The following MAP2K6 variants were observed in gnomAD, a reference collection of about 807,000 sequenced individuals.
MAP2K6 encodes the protein dual specificity mitogen-activated protein kinase kinase 6.
MAP2K6 carries 16 observed loss-of-function variants against 53.7 expected under a neutral mutation model. The observed-to-expected ratio is 0.30, with a 90% CI of 0.20 to 0.45. The LOEUF is 0.45. Ranked by LOEUF, MAP2K6 falls within the 20% of genes least tolerant of loss-of-function variation. MAP2K6 has a pLI of 1.00. For missense variants in MAP2K6, 204 were observed against 411.9 expected (o/e 0.50, Z 4.37); for synonymous variants, 132 against 143.1 (o/e 0.92, Z 0.55).
intron 9 of MAP2K6, among the ~76,000 whole-genome samples, chr17:69,525,445 T>A (rs1196492452): frequency 6.6e-6 from 1 of 152,166 alleles, no homozygotes; most frequent in African/African-American, 2.4e-5. Flanking sequence ...CAAAGTCTGA[T>A]CAGGTCAGTG....
chr17:69,415,669 TA>T (rs1905876624), intron 1 of MAP2K6, among the ~76,000 whole-genome samples: 1 of 152,216 alleles, frequency 6.6e-6, no homozygotes, highest in Non-Finnish European at 1.5e-5. Flanking sequence ...AGTGAAGACC[TA>T]ATGTTTTATG....
chr17:69,460,185 G>A (rs990679790), intron 1 of MAP2K6, among the ~76,000 whole-genome samples: 2 of 152,120 alleles, frequency 1.3e-5, no homozygotes, highest in Non-Finnish European at 2.9e-5. Flanking sequence ...GGGCAGTCCT[G>A]TCATCAAATA....
intron 2 of MAP2K6, among the ~76,000 whole-genome samples, chr17:69,515,701 T>C (rs1455744278): frequency 1.3e-5 from 2 of 152,206 alleles, no homozygotes; most frequent in Non-Finnish European, 2.9e-5. Context: ...AGAAGAAATA[T>C]TGCTGGGCTT....
chr17:69,418,330 C>G (rs1479548637), intron 1 of MAP2K6, among the ~76,000 whole-genome samples: 3 of 152,166 alleles, frequency 2.0e-5, no homozygotes, highest in African/African-American at 7.2e-5. Flanking sequence ...TTGAGATTCT[C>G]TTGTCTTTGT....
rs149262915 is a variant in MAP2K6, at chr17:69,471,903, T to C, written c.17-33877T>C. On this transcript the variant is annotated intron_variant, in intron 1 of 11. Transcript: ENST00000590474. ...TATTAAAATGTTTAGATGAATGATTTCGTATGATTTAAAAATTACTATCTG... is the reference window on the plus strand; with the variant it reads ...TATTAAAATGTTTAGATGAATGATTCCGTATGATTTAAAAATTACTATCTG... Among the ~76,000 whole-genome samples, 6 of 152,370 alleles carry C rather than the reference T, an allele frequency of 3.9e-5. No individual in the cohort carries two copies. In the East Asian group the frequency reaches 1.2e-3, roughly 29 times the overall value.
chr17:69,460,453 A>G (rs1463642391), intron 1 of MAP2K6, among the ~76,000 whole-genome samples: 3 of 152,160 alleles, frequency 2.0e-5, no homozygotes, highest in Non-Finnish European at 2.9e-5. Context: ...GCAAGCAAGG[A>G]GGAACGTGTT....
chr17:69,500,345 C>G (rs953481183), intron 1 of MAP2K6, among the ~76,000 whole-genome samples: 1 of 147,616 alleles, frequency 6.8e-6, no homozygotes, highest in Middle Eastern at 3.2e-3. Context: ...ACTCGGGAGG[C>G]TGAGGGCCAT....
At chr17:69,526,486 C>T (rs1390393861) in intron 9 of MAP2K6, 84 bp from the exon 10 acceptor site, 5 of 1,454,550 alleles carry the variant, frequency 3.4e-6, no homozygotes, top group Non-Finnish European at 4.7e-6. Context: ...GTGTTTCCTG[C>T]TGTCTATCCA....
chr17:69,527,479 G>A (rs1910833983), intron 10 of MAP2K6, among the ~76,000 whole-genome samples: 1 of 152,174 alleles, frequency 6.6e-6, no homozygotes, highest in African/African-American at 2.4e-5. Context: ...AAGCAAGAGG[G>A]GAAAGTATTC....
chr17:69,451,082 C>T (rs985578247), intron 1 of MAP2K6, among the ~76,000 whole-genome samples: 2 of 152,140 alleles, frequency 1.3e-5, no homozygotes, highest in African/African-American at 4.8e-5. Context: ...AGAACCTCAG[C>T]GCATCCTGGA....
intron 1 of MAP2K6, chr17:69,505,309 G>C (rs778393454): frequency 6.5e-6 from 1 of 155,002 alleles, no homozygotes; most frequent in Non-Finnish European, 1.4e-5. Context: ...CGGGCATGGT[G>C]GTGCATGCCT....
intron 1 of MAP2K6, among the ~76,000 whole-genome samples, chr17:69,467,491 T>G (rs982458834): frequency 1.3e-5 from 2 of 152,096 alleles, no homozygotes; most frequent in African/African-American, 2.4e-5. Context: ...TGAAATGCCA[T>G]TGTGGTGAGT....
At chr17:69,506,829 A>G (rs1234422002) in intron 2 of MAP2K6, among the ~76,000 whole-genome samples, 2 of 152,128 alleles carry the variant, frequency 1.3e-5, no homozygotes, top group Non-Finnish European at 2.9e-5. Context: ...GTTGAGGGCT[A>G]CTCTTCAGGG....
chr17:69,538,632 G>A (rs1911471804), intron 11 of MAP2K6, among the ~76,000 whole-genome samples: 2 of 152,188 alleles, frequency 1.3e-5, no homozygotes, highest in African/African-American at 4.8e-5. Context: ...TTTTCCAGGT[G>A]AAGGACAGTT....
rs1464098466 is a variant in MAP2K6 at position 69,415,656 on chromosome 17, A to G, written c.16+656A>G. Among the ~76,000 whole-genome samples the G allele has an allele frequency of 2.0e-5, 3 of 152,230 alleles. No individual in the cohort carries two copies. In the East Asian group the frequency reaches 5.8e-4, roughly 29 times the overall value. ...TTATTGGCTCGCAAAATTTAGAAGC[A>G]GCAGTGAAGACCTAATGTTTTATGT... On this transcript the variant is annotated intron_variant, in intron 1 of 11. Coordinates refer to ENST00000590474, the MANE Select transcript of MAP2K6 (RefSeq NM_002758.4).
intron 6 of MAP2K6, 160 bp from the exon 7 acceptor site, chr17:69,520,889 T>C (rs1433991311): frequency 1.8e-6 from 1 of 547,050 alleles, no homozygotes; most frequent in Non-Finnish European, 3.2e-6. Flanking sequence ...GGAGTCCAAT[T>C]TGTGTAACTT....
In MAP2K6 at chr17:69,550,098, G is replaced by A. The variant is rs1351947370; in HGVS notation, c.*8345G>A. On this transcript the variant is annotated 3_prime_UTR_variant, in exon 12 of 12. Transcript: ENST00000590474. ...ATTGTTATTTTTCCTTAAAAATACT[G>A]AGCTATAAGAAGATTCAGAGAGTGG... 6.6e-6 allele frequency: 1 copy of A among 152,130 alleles called. No individual in the cohort carries two copies. Among genetic ancestry groups the A allele is most frequent in the Non-Finnish European group, 1.5e-5 (1 of 68,014 alleles). 9.4% of individuals were successfully genotyped at this position (152,130 alleles called of 1,614,324 possible).
intron 1 of MAP2K6, among the ~76,000 whole-genome samples, chr17:69,479,542 A>G (rs1361713082): frequency 6.6e-6 from 1 of 152,126 alleles, no homozygotes; most frequent in East Asian, 1.9e-4. Flanking sequence ...AAAAAATTCA[A>G]AACACTTCTG....
At chr17:69,447,066 C>T (rs2145153571) in intron 1 of MAP2K6, among the ~76,000 whole-genome samples, 1 of 151,228 alleles carries the variant, frequency 6.6e-6, no homozygotes, top group Non-Finnish European at 1.5e-5. Flanking sequence ...CAACCTCCGC[C>T]TCCCAGGTTC....
Sources: allele counts gnomAD v4.1 joint callset (sites outside exome capture counted in the v4.1 genomes callset), GRCh38; gene constraint gnomAD v4.1.1; transcripts MANE v1.5; gene names NCBI Gene and HGNC (gene_info 2026-07-23, HGNC 2026-07-21).